Variants in OR10A2 observed in about 807,000 individuals in gnomAD.
OR10A2 encodes the protein olfactory receptor family 10 subfamily A member 2.
In OR10A2, 15 loss-of-function variants were observed where a neutral mutation model predicts 13.7. The observed-to-expected ratio is 1.10, with a 90% CI of 0.73 to 1.69. OR10A2 has a LOEUF of 1.69. OR10A2 is among the 40% of genes most tolerant of loss of function. The pLI is 0.00. For missense variants in OR10A2, 343 were observed against 361.1 expected (o/e 0.95, Z 0.41); for synonymous variants, 145 against 144.7 (o/e 1.00, Z -0.02).
At chr11:6,864,101 G>C (rs1459415118) in intron 1 of OR10A2, among the ~76,000 whole-genome samples, 3 of 152,172 alleles carry the variant, frequency 2.0e-5, no homozygotes, top group African/African-American at 7.2e-5. Flanking sequence ...TGGCAAGAAC[G>C]CTGTGGGCTG....
At chr11:6,864,761 A>G (rs1419864974) in intron 1 of OR10A2, among the ~76,000 whole-genome samples, 1 of 151,944 alleles carries the variant, frequency 6.6e-6, no homozygotes, top group Non-Finnish European at 1.5e-5. Flanking sequence ...GAAGCAGAAG[A>G]AGGAGAGATG....
chr11:6,864,014 C>T (rs2741769), intron 1 of OR10A2, among the ~76,000 whole-genome samples: 149,909 of 152,312 alleles, frequency 0.98, 73,812 homozygotes, highest in East Asian at 1. Flanking sequence ...GTGCATTTTA[C>T]GCGTGACCAA....
rs1848441186 is a variant in OR10A2 at position 6,872,254 on chromosome 11, T to C, written c.*1588T>C. ...TATTTTCTCTTCTTGAAAGGTTGTTTTTCACTTTTATTTTAGCCAAATCTA... is the reference window on the plus strand; with the variant it reads ...TATTTTCTCTTCTTGAAAGGTTGTTCTTCACTTTTATTTTAGCCAAATCTA... On this transcript the variant is annotated 3_prime_UTR_variant, in exon 2 of 2. Coordinates refer to ENST00000641461, the MANE Select transcript of OR10A2 (RefSeq NM_001004460.2). 2.0e-5 allele frequency: 3 copies of C among 152,180 alleles called. No homozygotes were observed. Among genetic ancestry groups the C allele is most frequent in the Non-Finnish European group, 4.4e-5 (3 of 68,030 alleles). 9.4% of individuals were successfully genotyped at this position (152,180 alleles called of 1,614,324 possible).
Position 6,870,459 on chromosome 11 carries a change from C to G in OR10A2, c.705C>G (p.Val235=). The change falls in exon 2 of 2, where the codon GTC becomes GTG. Residue 235 remains valine (V), a synonymous_variant. Transcript: ENST00000641461. Reference sequence around the variant, plus strand: ...CATGTTCCTCACACCTCCTTGTTGTCTCTCTTTTCTATATATCATTAAGCC... The same window carrying G: ...CATGTTCCTCACACCTCCTTGTTGTGTCTCTTTTCTATATATCATTAAGCC... The part of the protein sequence containing the change: ...FSTCSSHLLV[V]SLFYISLSLT... The G allele has an allele frequency of 6.2e-7, 1 of 1,614,196 alleles. No homozygotes were observed. Among genetic ancestry groups the G allele is most frequent in the Non-Finnish European group, 8.5e-7 (1 of 1,180,020 alleles).
Position 6,870,517 on chromosome 11 carries a change from C to T in OR10A2, c.763C>T (p.Pro255Ser), listed in dbSNP as rs1453205754. 2.5e-6 allele frequency: 4 copies of T among 1,614,130 alleles called. No homozygotes were observed. In the Admixed American group the frequency reaches 6.7e-5, roughly 27 times the overall value. The change falls in exon 2 of 2, where the codon CCT (proline) becomes TCT (serine). Residue 255 changes from proline (P) to serine (S), a missense_variant. Pro to Ser is a moderately conservative substitution (Grantham distance 74). Transcript: ENST00000641461. Reference sequence around the variant, plus strand: ...CTTCCGGCCTAAATCAAATAATTCACCTGAGGGCAAGAAGCTGCTATCATT... The same window carrying T: ...CTTCCGGCCTAAATCAAATAATTCATCTGAGGGCAAGAAGCTGCTATCATT... ...TYFRPKSNNSPEGKKLLSLSY... is the reference protein window; with the variant it reads ...TYFRPKSNNSSEGKKLLSLSY...
intron 1 of OR10A2, among the ~76,000 whole-genome samples, chr11:6,867,929 T>C (rs1359140482): frequency 6.6e-6 from 1 of 152,040 alleles, no homozygotes; most frequent in Non-Finnish European, 1.5e-5. Flanking sequence ...TCTCCATTTT[T>C]TGTAGAGATG....
intron 1 of OR10A2, among the ~76,000 whole-genome samples, chr11:6,868,326 T>C (rs956143823): frequency 6.6e-6 from 1 of 152,170 alleles, no homozygotes; most frequent in African/African-American, 2.4e-5. Context: ...CTCTTTTAAA[T>C]AAGTTGTCTG....
chr11:6,866,912 T>A (rs973993694), intron 1 of OR10A2, among the ~76,000 whole-genome samples: 5 of 152,174 alleles, frequency 3.3e-5, no homozygotes, highest in Non-Finnish European at 7.4e-5. Context: ...CTGGTACTTC[T>A]TTGGATATTA....
intron 1 of OR10A2, among the ~76,000 whole-genome samples, chr11:6,866,097 G>A (rs1053662796): frequency 2.0e-5 from 3 of 152,222 alleles, no homozygotes; most frequent in African/African-American, 4.8e-5. Flanking sequence ...CCTCTCTATT[G>A]CTGAGTTTAC....
chr11:6,865,052 T>C (rs1848369423), intron 1 of OR10A2, among the ~76,000 whole-genome samples: 1 of 145,414 alleles, frequency 6.9e-6, no homozygotes, highest in Admixed American at 7.0e-5. Context: ...TTTATGTTCA[T>C]CTTAAAATGA....
In OR10A2 at chr11:6,872,987, T is replaced by TG. The variant is rs1848451709; in HGVS notation, c.*2321_*2322insG. 2 of 18,680 alleles carry TG rather than the reference T, an allele frequency of 1.1e-4. No homozygotes were observed. The highest frequency in any genetic ancestry group is 1.1e-3 in the Admixed American group (2 of 1,764). The allele number at this position is 18,680 out of a possible 1,614,324, so 1.2% of individuals were successfully genotyped here. Reference sequence around the variant, plus strand: ...GGCGTGCCAAGCCATGCCCAACTAATTTTTTTTTTGTATTTTTTAGTAGAG... The same window carrying TG: ...GGCGTGCCAAGCCATGCCCAACTAATGTTTTTTTTTGTATTTTTTAGTAGAG... On this transcript the variant is annotated 3_prime_UTR_variant, in exon 2 of 2. Coordinates refer to ENST00000641461, the MANE Select transcript of OR10A2 (RefSeq NM_001004460.2).
Position 6,871,915 on chromosome 11 carries a change from A to G in OR10A2, c.*1249A>G, listed in dbSNP as rs1462689560. On this transcript the variant is annotated 3_prime_UTR_variant, in exon 2 of 2. Coordinates refer to ENST00000641461, the MANE Select transcript of OR10A2 (RefSeq NM_001004460.2). ...ATTGAGTTTCTTGGGCAAAAGTTAAATACATACATAATGTTGCTATATATA... is the reference window on the plus strand; with the variant it reads ...ATTGAGTTTCTTGGGCAAAAGTTAAGTACATACATAATGTTGCTATATATA... 3 of 152,220 alleles carry G rather than the reference A, an allele frequency of 2.0e-5. No individual in the cohort carries two copies. Among genetic ancestry groups the G allele is most frequent in the African/African-American group, 7.2e-5 (3 of 41,452 alleles). The allele number at this position is 152,220 out of a possible 1,614,324, so 9.4% of individuals were successfully genotyped here. A position where few individuals can be genotyped will look rare whatever the true frequency, so the allele number is the denominator to read the frequency against.
chr11:6,870,719 T>C lies in OR10A2; in HGVS notation c.*53T>C. 2 of 1,359,966 alleles carry C rather than the reference T, an allele frequency of 1.5e-6. No homozygotes were observed. The highest frequency in any genetic ancestry group is 2.0e-6 in the Non-Finnish European group (2 of 992,766). 84.2% of individuals were successfully genotyped at this position (1,359,966 alleles called of 1,614,324 possible). ...TGGATGAGAAACAATCAGTCCCAGA[T>C]TTGAGATTCCTCTCTGCATCTTTCC... On this transcript the variant is annotated 3_prime_UTR_variant, in exon 2 of 2. Coordinates refer to ENST00000641461, the MANE Select transcript of OR10A2 (RefSeq NM_001004460.2).
intron 1 of OR10A2, among the ~76,000 whole-genome samples, chr11:6,865,230 T>C (rs1019919767): frequency 2.3e-4 from 35 of 149,458 alleles, no homozygotes; most frequent in Non-Finnish European, 4.7e-4. Context: ...AAATAATAAA[T>C]CCCCTCCTTT....
intron 1 of OR10A2, among the ~76,000 whole-genome samples, chr11:6,865,039 A>G (rs1410259083): frequency 1.4e-5 from 2 of 145,078 alleles, no homozygotes; most frequent in African/African-American, 5.0e-5. Flanking sequence ...ATATAAATGA[A>G]CATTTATGTT....
In OR10A2 at chr11:6,871,571, T is replaced by C. The variant is rs1848435871; in HGVS notation, c.*905T>C. 6.6e-6 allele frequency: 1 copy of C among 152,220 alleles called. No individual in the cohort carries two copies. Among genetic ancestry groups the C allele is most frequent in the South Asian group, 2.1e-4 (1 of 4,832 alleles). The allele number at this position is 152,220 out of a possible 1,614,324, so 9.4% of individuals were successfully genotyped here. On this transcript the variant is annotated 3_prime_UTR_variant, in exon 2 of 2. Coordinates refer to ENST00000641461, the MANE Select transcript of OR10A2 (RefSeq NM_001004460.2). ...CTTTATAACCCCAATAATTATTTCC[T>C]TCACACTAGATTCTTCCCAAGAAAA...
At chr11:6,868,051 A>C (rs545174662) in intron 1 of OR10A2, among the ~76,000 whole-genome samples, 1 of 152,294 alleles carries the variant, frequency 6.6e-6, no homozygotes, top group African/African-American at 2.4e-5. Context: ...CGCCTGGCCT[A>C]CAGTGAAAGA....
rs1040024460 is a variant in OR10A2, at chr11:6,873,504, T to C, written c.*2838T>C. On this transcript the variant is annotated 3_prime_UTR_variant, in exon 2 of 2. Transcript: ENST00000641461. ...ATAACCCAAAACCTAAAGAAAAAGT[T>C]GTACATAGTTTCAGGGAAAGGATTC... 1 of 152,210 alleles carries C rather than the reference T, an allele frequency of 6.6e-6. No homozygotes were observed. Among genetic ancestry groups the C allele is most frequent in the African/African-American group, 2.4e-5 (1 of 41,432 alleles). 9.4% of individuals were successfully genotyped at this position (152,210 alleles called of 1,614,324 possible). A position where few individuals can be genotyped will look rare whatever the true frequency, so the allele number is the denominator to read the frequency against.
intron 1 of OR10A2, among the ~76,000 whole-genome samples, chr11:6,863,771 C>G (rs1234724944): frequency 6.6e-6 from 1 of 152,094 alleles, no homozygotes; most frequent in Non-Finnish European, 1.5e-5. Flanking sequence ...TACAACAATT[C>G]TACAGTCAGA....
Sources: allele counts gnomAD v4.1 joint callset (sites outside exome capture counted in the v4.1 genomes callset), GRCh38; gene constraint gnomAD v4.1.1; transcripts MANE v1.5; gene names NCBI Gene and HGNC (gene_info 2026-07-23, HGNC 2026-07-21).